Variants in EYA3 observed in about 807,000 individuals in gnomAD.
The protein encoded by EYA3 is EYA transcriptional coactivator and phosphatase 3, also known as protein phosphatase EYA3.
EYA3 carries 39 observed loss-of-function variants against 80.0 expected under a neutral mutation model. That is an observed-to-expected ratio of 0.49 (90% confidence interval 0.38 to 0.64). The LOEUF (loss-of-function observed/expected upper bound fraction) is 0.64, where lower values mean the gene tolerates loss of function less well. Among genes scored for constraint, EYA3 ranks in the 30% least tolerant of loss-of-function variants. The probability of loss-of-function intolerance (pLI) is 0.00; values close to 1 mark genes in which losing one functional copy is unlikely to be tolerated. For missense variants in EYA3, 523 were observed against 676.1 expected (o/e 0.77, Z 2.51); for synonymous variants, 206 against 232.8 (o/e 0.88, Z 1.05).
At chr1:28,020,667 C>CGTGTATGTGTGTGT (rs1642371212) in intron 7 of EYA3, among the ~76,000 whole-genome samples, 1 of 134,478 alleles carries the variant, frequency 7.4e-6, no homozygotes, top group Non-Finnish European at 1.6e-5. Context: ...TACAGATCAT[C>CGTGTATGTGTGTGT]GTGTGTGTGT....
intron 6 of EYA3, among the ~76,000 whole-genome samples, chr1:28,029,567 A>G (rs1245051054): frequency 6.6e-6 from 1 of 151,996 alleles, no homozygotes; most frequent in Non-Finnish European, 1.5e-5. Context: ...TTGGCTACAC[A>G]AAAGCCTACT....
At chr1:28,053,303 T>C (rs1048053868) in intron 2 of EYA3, among the ~76,000 whole-genome samples, 9 of 152,106 alleles carry the variant, frequency 5.9e-5, no homozygotes, top group Admixed American at 4.6e-4. Flanking sequence ...ATATGTAAAT[T>C]ACATGTCAAT....
chr1:28,016,366 TAAAAACAC>T (rs1642067477), intron 8 of EYA3, among the ~76,000 whole-genome samples: 1 of 151,702 alleles, frequency 6.6e-6, no homozygotes, highest in Non-Finnish European at 1.5e-5. Flanking sequence ...TCATCTCTAC[TAAAAACAC>T]AAAAATTAGC....
chr1:28,070,362 C>G (rs977863324), intron 1 of EYA3, among the ~76,000 whole-genome samples: 8 of 152,028 alleles, frequency 5.3e-5, no homozygotes, highest in Middle Eastern at 3.2e-3. Context: ...GAAATCGAGA[C>G]CAGCCTGGCC....
intron 8 of EYA3, among the ~76,000 whole-genome samples, chr1:28,016,942 A>T (rs1274716358): frequency 6.6e-6 from 1 of 152,202 alleles, no homozygotes; most frequent in Non-Finnish European, 1.5e-5. Flanking sequence ...AGACATAACC[A>T]TATTCTAGAG....
intron 13 of EYA3, among the ~76,000 whole-genome samples, chr1:27,994,966 GAA>G (rs201713936): frequency 3.4e-5 from 4 of 118,916 alleles, no homozygotes; most frequent in Admixed American, 8.8e-5. Flanking sequence ...CGTCTCTTTG[GAA>G]AAAAAAAAAA....
intron 1 of EYA3, among the ~76,000 whole-genome samples, chr1:28,073,557 C>G (rs1022323513): frequency 2.6e-5 from 4 of 151,994 alleles, no homozygotes; most frequent in African/African-American, 9.7e-5. Flanking sequence ...GTCTCACCCC[C>G]ACAAAGTGCT....
At chr1:27,977,038 T>C in intron 17 of EYA3, 2 of 985,248 alleles carry the variant, frequency 2.0e-6, no homozygotes, top group Non-Finnish European at 2.4e-6. Context: ...TATTCTGTTG[T>C]AGATGATTAA....
intron 1 of EYA3, among the ~76,000 whole-genome samples, chr1:28,065,539 G>A (rs1644804706): frequency 6.6e-6 from 1 of 151,816 alleles, no homozygotes; most frequent in Admixed American, 6.6e-5. Context: ...GGGATTACAG[G>A]TGTGAGCCAC....
At chr1:28,015,445 C>T (rs769990587) in intron 8 of EYA3, among the ~76,000 whole-genome samples, 51 of 152,138 alleles carry the variant, frequency 3.4e-4, no homozygotes, top group Non-Finnish European at 5.9e-4. Context: ...AGGAGAATGG[C>T]GTGAACCCGG....
At chr1:28,035,163 G>C (rs1480536773) in intron 6 of EYA3, among the ~76,000 whole-genome samples, 1 of 152,092 alleles carries the variant, frequency 6.6e-6, no homozygotes, top group Non-Finnish European at 1.5e-5. Context: ...ACCCCACAGA[G>C]CAAACTATGA....
intron 5 of EYA3, 45 bp downstream of exon 5, chr1:28,038,794 C>A: frequency 8.7e-7 from 1 of 1,145,564 alleles, no homozygotes. Flanking sequence ...TGCAATGAAT[C>A]TACAGAAAAA....
At chr1:27,985,494 C>G (rs1044236957) in intron 16 of EYA3, among the ~76,000 whole-genome samples, 1 of 152,166 alleles carries the variant, frequency 6.6e-6, no homozygotes, top group African/African-American at 2.4e-5. Flanking sequence ...ATCTTCCTGA[C>G]ACATTTTGCT....
intron 5 of EYA3, among the ~76,000 whole-genome samples, chr1:28,037,522 C>T (rs1334398457): frequency 6.6e-6 from 1 of 152,224 alleles, no homozygotes; most frequent in African/African-American, 2.4e-5. Flanking sequence ...ATGGATTAAT[C>T]TCCAGATATG....
At chr1:28,020,138 G>A (rs1200021871) in intron 7 of EYA3, among the ~76,000 whole-genome samples, 2 of 152,154 alleles carry the variant, frequency 1.3e-5, no homozygotes, top group African/African-American at 4.8e-5. Flanking sequence ...TGTACTGGAG[G>A]TAAAATGGTA....
At chr1:28,031,617 A>C (rs892950765) in intron 6 of EYA3, among the ~76,000 whole-genome samples, 2 of 152,212 alleles carry the variant, frequency 1.3e-5, no homozygotes, top group African/African-American at 4.8e-5. Context: ...TTCAATTTAT[A>C]GTAACTCGTA....
intron 5 of EYA3, among the ~76,000 whole-genome samples, chr1:28,038,546 T>C (rs1643595045): frequency 1.3e-5 from 2 of 149,180 alleles, no homozygotes; most frequent in South Asian, 4.2e-4. Context: ...ACAGAGAAAA[T>C]GATCAGAGGT....
rs959168805 is a variant in EYA3, at chr1:27,971,628, A to G, written c.*2838T>C. The G allele has an allele frequency of 4.1e-5, 6 of 144,816 alleles. No homozygotes were observed. The South Asian group carries it at 8.5e-4, about 20-fold the overall frequency. 9.0% of individuals were successfully genotyped at this position (144,816 alleles called of 1,614,324 possible). ...AACAAAAAAAAAAAAAAAAAAAAAA[A>G]GAGAACCCACCATGCCCAGCTAGGG... On this transcript the variant is annotated 3_prime_UTR_variant, in exon 18 of 18. Transcript: ENST00000373871.
At chr1:28,082,118 T>TA (rs1164162784) in intron 1 of EYA3, among the ~76,000 whole-genome samples, 4 of 152,042 alleles carry the variant, frequency 2.6e-5, no homozygotes, top group Non-Finnish European at 4.4e-5. Context: ...AAAGCTACTA[T>TA]AAAAAAACAG....
Sources: allele counts gnomAD v4.1 joint callset (sites outside exome capture counted in the v4.1 genomes callset), GRCh38; gene constraint gnomAD v4.1.1; transcripts MANE v1.5; gene names NCBI Gene and HGNC (gene_info 2026-07-23, HGNC 2026-07-21).